Variants in SLC19A1 observed in about 807,000 individuals in gnomAD.
The protein encoded by SLC19A1 is reduced folate transporter.
Under a neutral mutation model 35.3 loss-of-function variants are expected in SLC19A1, and 37 were observed. The ratio of observed to expected loss-of-function variants is 1.05; its 90% CI spans 0.81 to 1.38. The LOEUF is 1.38. Among genes scored for constraint, SLC19A1 ranks in the 40% most tolerant of loss-of-function variants. The pLI is 0.00. For synonymous variants in SLC19A1, 460 were observed against 398.5 expected, an observed-to-expected ratio of 1.15 and a Z score of -1.84; for missense variants, 831 against 826.9, an observed-to-expected ratio of 1.00 and a Z score of -0.06.
At position 45,530,358 on chromosome 21, in the gene SLC19A1, ATGAG is replaced by A. The variant is rs1248678080; in HGVS notation, c.1151+408_1151+411del. On this transcript the variant is annotated intron_variant, in intron 4 of 5. Transcript: ENST00000311124. The surrounding 1 kb of genome is among the most constrained non-coding windows in gnomAD (Gnocchi z 5.3). Reference sequence around the variant, plus strand: ...CCATCTGTGCGCATGTGGTGTGTTCATGAGTGTGTGTGTGTCCATGTGTGAGCGT... The same window carrying A: ...CCATCTGTGCGCATGTGGTGTGTTCATGTGTGTGTGTCCATGTGTGAGCGT... Among the ~76,000 whole-genome samples the A allele has an allele frequency of 7.8e-6, 1 of 127,418 alleles. No individual in the cohort carries two copies. Among genetic ancestry groups the A allele is most frequent in the African/African-American group, 3.0e-5 (1 of 33,596 alleles). The allele number at this position is 127,418 out of a possible 152,430, so 83.6% of individuals were successfully genotyped here. A position where few individuals can be genotyped will look rare whatever the true frequency, so the allele number is the denominator to read the frequency against.
chr21:45,550,945 C>G (rs1165857484), intron 1 of SLC19A1, among the ~76,000 whole-genome samples: 1 of 141,014 alleles, frequency 7.1e-6, no homozygotes, highest in Admixed American at 7.1e-5. Flanking sequence ...ACCCTTCCCC[C>G]ACCCTCCTCA....
chr21:45,546,291 C>G (rs966233086), upstream of SLC19A1, among the ~76,000 whole-genome samples: 1 of 152,252 alleles, frequency 6.6e-6, no homozygotes, highest in Non-Finnish European at 1.5e-5. Context: ...CCTGGAGCCC[C>G]GGAGCTCCTG....
At chr21:45,509,633 AT>A, downstream of SLC19A1, 1 of 1,173,718 alleles carries the variant, frequency 8.5e-7, no homozygotes, top group Non-Finnish European at 1.2e-6. Context: ...GCTTGGCTCC[AT>A]CTAGCCCCTC....
At chr21:45,504,411 C>T (rs751283786) in intron 3 of SLC19A1, 4 of 1,610,946 alleles carry the variant, frequency 2.5e-6, no homozygotes, top group South Asian at 2.2e-5. Flanking sequence ...TGTTTCCGTC[C>T]ACAGGGGGAG....
intron 1 of SLC19A1, among the ~76,000 whole-genome samples, chr21:45,561,757 T>A (rs1317786390): frequency 5.3e-5 from 8 of 149,864 alleles, no homozygotes; most frequent in Admixed American, 3.3e-4. Flanking sequence ...CGAGACTCCA[T>A]CTCAAAAAAT....
In SLC19A1 at chr21:45,504,077, T is replaced by TG. The variant is rs747590582; in HGVS notation, c.498-5466dup. On this transcript the variant is annotated intron_variant, in intron 3 of 4. Coordinates refer to the SLC19A1 transcript ENST00000417954. ...AAGGTGGGTGACCTCCCTGTGGGGT[T>TG]GGGGGCCCCCAAGGTCCTGTACATC... is the stretch of plus-strand genomic sequence containing the variant. 1.9e-6 allele frequency: 3 copies of TG among 1,613,242 alleles called. No individual in the cohort carries two copies. In the East Asian group the frequency reaches 6.7e-5, roughly 36 times the overall value.
At position 45,507,543 on chromosome 21, in the gene SLC19A1, CCTG is replaced by C; in HGVS notation, c.498-8934_498-8932del. On this transcript the variant is annotated intron_variant, in intron 3 of 4. Coordinates refer to the SLC19A1 transcript ENST00000417954. ...GGCCCAGCCGCAGGTCCTGGGTGAC[CCTG>C]CTGCTTTCTTCCAGCTGGAGGCCCG... 6.2e-7 allele frequency: 1 copy of C among 1,612,206 alleles called. No individual in the cohort carries two copies. The highest frequency in any genetic ancestry group is 8.5e-7 in the Non-Finnish European group (1 of 1,179,664).
downstream of SLC19A1, chr21:45,510,203 A>G: frequency 6.2e-7 from 1 of 1,603,366 alleles, no homozygotes; most frequent in Non-Finnish European, 8.5e-7. Context: ...CGCCTGCAGG[A>G]CCTGTACAGC....
Position 45,534,785 on chromosome 21 carries a change from A to C in SLC19A1, c.190-2637T>G. 3 of 581,210 alleles carry C rather than the reference A, an allele frequency of 5.2e-6. No individual in the cohort carries two copies. The highest frequency in any genetic ancestry group is 3.0e-5 in the East Asian group (1 of 33,494). The allele number at this position is 581,210 out of a possible 1,614,324, so 36.0% of individuals were successfully genotyped here. A position where few individuals can be genotyped will look rare whatever the true frequency, so the allele number is the denominator to read the frequency against. On this transcript the variant is annotated intron_variant, in intron 2 of 5. Transcript: ENST00000311124. This position sits in a 1 kb window ranked among gnomAD's most constrained non-coding sequence, Gnocchi z 4.2. The stretch of plus-strand genomic sequence containing the variant: ...GAGCTGTGACCTGCGTCCCACTTAC[A>C]AGGCTGCTGGGGGAGGGGCCCTCAC...
At chr21:45,562,907 A>T (rs2078628047) in exon 1 of SLC19A1, among the ~76,000 whole-genome samples, 1 of 152,240 alleles carries the variant, frequency 6.6e-6, no homozygotes, top group Admixed American at 6.5e-5. Context: ...TTTACAGCAG[A>T]TTCCAACAGT....
At position 45,517,929 on chromosome 21, in the gene SLC19A1, C is replaced by T. The variant is rs1028105256; in HGVS notation, c.1294-1789G>A. ...GCTTGACCTGCAGGAGTTGCGTCAG[C>T]CACAACAGGATGCTGAAATTACATC... On this transcript the variant is annotated intron_variant, in intron 5 of 5. Transcript: ENST00000311124. The surrounding 1 kb of genome is among the most constrained non-coding windows in gnomAD (Gnocchi z 4.4). Among the ~76,000 whole-genome samples, 3 of 152,178 alleles carry T rather than the reference C, an allele frequency of 2.0e-5. No individual in the cohort carries two copies. Among genetic ancestry groups the T allele is most frequent in the African/African-American group, 7.2e-5 (3 of 41,424 alleles).
At chr21:45,526,026 G>A in intron 4 of SLC19A1, 68 bp from the exon 5 acceptor site, 1 of 1,558,932 alleles carries the variant, frequency 6.4e-7, no homozygotes, top group South Asian at 1.1e-5. Flanking sequence ...GGAAAAGCCT[G>A]CAGCCCGGCT....
In SLC19A1 at chr21:45,504,564, C is replaced by A. The variant is rs1159868108; in HGVS notation, c.498-5952G>T. 2 of 1,565,546 alleles carry A rather than the reference C, an allele frequency of 1.3e-6. No homozygotes were observed. Among genetic ancestry groups the A allele is most frequent in the Non-Finnish European group, 8.6e-7 (1 of 1,156,642 alleles). On this transcript the variant is annotated intron_variant, in intron 3 of 4. Transcript: ENST00000417954. ...GGCTACCCTGGGATTCCAGTAAGTC[C>A]CAGCCTGTGCAGGCAGAGCCCATGT...
chr21:45,504,221 C>A, intron 3 of SLC19A1: 1 of 934,112 alleles, frequency 1.1e-6, no homozygotes. Context: ...ATGTTCCTGT[C>A]CCCGGCTCAG....
intron 1 of SLC19A1, among the ~76,000 whole-genome samples, chr21:45,560,288 G>T (rs1015350849): frequency 6.6e-6 from 1 of 152,212 alleles, no homozygotes. Flanking sequence ...GAGGCCAGCA[G>T]GAGCGGGACA....
rs368041771 is a variant in SLC19A1, at chr21:45,525,848, A to G, written c.1262T>C (p.Val421Ala). ...KTIITFIVSDVRGLGLPVRKQ... is the reference protein window; with the variant it reads ...KTIITFIVSDARGLGLPVRKQ... ...GCGGACCGGGAGGCCCAGGCCCCGC[A>G]CGTCCGAGACAATGAAAGTGATGAT... Residue 421 changes from valine (V) to alanine (A), a missense_variant, in exon 5 of 6, where the codon GTG becomes GCG. Coordinates refer to ENST00000311124, the MANE Select transcript of SLC19A1 (RefSeq NM_194255.4). 3.7e-6 allele frequency: 6 copies of G among 1,613,294 alleles called. No homozygotes were observed. The highest frequency in any genetic ancestry group is 5.1e-6 in the Non-Finnish European group (6 of 1,179,974).
At chr21:45,503,918 C>T in intron 3 of SLC19A1, 5 of 1,403,176 alleles carry the variant, frequency 3.6e-6, no homozygotes, top group African/African-American at 1.4e-5. Flanking sequence ...CTAGAAGGGC[C>T]TCAGGCAAAC....
chr21:45,509,651 C>G, downstream of SLC19A1: 4 of 995,322 alleles, frequency 4.0e-6, no homozygotes, highest in Non-Finnish European at 6.1e-6. Flanking sequence ...CCTCGGCTCT[C>G]GGCAGCAGAA....
rs771054336 is a variant in SLC19A1, at chr21:45,504,476, G to A, written c.498-5864C>T. On this transcript the variant is annotated intron_variant, in intron 3 of 4. Coordinates refer to the SLC19A1 transcript ENST00000417954. ...AGGCGAAAGGGGGGAGCCCGGGGGC[G>A]GCGGTTTCTTCGGCTCCAGCCTGCC... is the stretch of plus-strand genomic sequence containing the variant. 59 of 1,606,814 alleles carry A rather than the reference G, an allele frequency of 3.7e-5. No individual in the cohort carries two copies. The highest frequency in any genetic ancestry group is 3.6e-4 in the Middle Eastern group (2 of 5,552).
Sources: allele counts gnomAD v4.1 joint callset (sites outside exome capture counted in the v4.1 genomes callset), GRCh38; gene constraint gnomAD v4.1.1; non-coding constraint Gnocchi (gnomAD v3.1); transcripts MANE v1.5; gene names NCBI Gene and HGNC (gene_info 2026-07-23, HGNC 2026-07-21).